Variants in ARHGAP26 observed in about 807,000 individuals in gnomAD.
The protein encoded by ARHGAP26 is rho GTPase-activating protein 26.
A neutral mutation model predicts 104.8 loss-of-function variants in ARHGAP26; 38 were observed. The ratio of observed to expected loss-of-function variants is 0.36; its 90% CI spans 0.28 to 0.48. The LOEUF (loss-of-function observed/expected upper bound fraction) is 0.48, where lower values mean the gene tolerates loss of function less well. Among genes scored for constraint, ARHGAP26 ranks in the 20% least tolerant of loss-of-function variants. The pLI, the probability that ARHGAP26 is intolerant of heterozygous loss-of-function variation, is 0.99. For missense variants in ARHGAP26, 704 were observed against 947.9 expected, an observed-to-expected ratio of 0.74 and a Z score of 3.38; for synonymous variants, 341 against 340.0, an observed-to-expected ratio of 1.00 and a Z score of -0.03.
intron 17 of ARHGAP26, among the ~76,000 whole-genome samples, chr5:143,111,183 A>G (rs901418329): frequency 2.6e-5 from 4 of 152,236 alleles, no homozygotes; most frequent in African/African-American, 7.2e-5. Flanking sequence ...GTTTGCTTTC[A>G]AATTATCCTT....
At chr5:143,040,472 A>C (rs553197818) in intron 13 of ARHGAP26, among the ~76,000 whole-genome samples, 1 of 152,204 alleles carries the variant, frequency 6.6e-6, no homozygotes. Flanking sequence ...TTTGTTTATT[A>C]TCATGTACCA....
Position 142,897,245 on chromosome 5 carries a change from T to C in ARHGAP26, c.597+2897T>C, listed in dbSNP as rs553397495. On this transcript the variant is annotated intron_variant, in intron 6 of 22. Coordinates refer to ENST00000645722, the MANE Select transcript of ARHGAP26 (RefSeq NM_001135608.3). ...TAGTGTGCAGATGTTTTTCAGTTCA[T>C]ACAGTGAGAAACCTGGAGAGCTAAT... Among the ~76,000 whole-genome samples, 150 of 152,322 alleles carry C rather than the reference T, an allele frequency of 9.8e-4. 1 individual carries two copies. Among genetic ancestry groups the C allele is most frequent in the Non-Finnish European group, 2.0e-3 (135 of 68,036 alleles).
intron 11 of ARHGAP26, among the ~76,000 whole-genome samples, chr5:142,974,078 T>C (rs1158533610): frequency 1.3e-5 from 2 of 152,210 alleles, no homozygotes; most frequent in Admixed American, 1.3e-4. Context: ...ATCAGTTCCT[T>C]TAAATTTTAT....
chr5:142,847,362 C>CT (rs34846420), intron 1 of ARHGAP26, among the ~76,000 whole-genome samples: 6,876 of 145,418 alleles, frequency 0.047, 231 homozygotes, highest in East Asian at 0.15. Context: ...ATGGAGATGT[C>CT]TTTTTTTTTT....
intron 22 of ARHGAP26, among the ~76,000 whole-genome samples, 184 bp from the exon 23 acceptor site, chr5:143,222,174 G>C (rs1358920703): frequency 6.6e-6 from 1 of 152,056 alleles, no homozygotes; most frequent in Non-Finnish European, 1.5e-5. Context: ...AAAAGGTTCA[G>C]AACCTTTGGT....
intron 1 of ARHGAP26, among the ~76,000 whole-genome samples, chr5:142,776,491 A>T (rs1483739121): frequency 6.6e-6 from 1 of 152,232 alleles, no homozygotes; most frequent in Non-Finnish European, 1.5e-5. Flanking sequence ...AAATGGAATC[A>T]TATAATATGT....
intron 11 of ARHGAP26, among the ~76,000 whole-genome samples, chr5:142,958,052 A>G (rs559107836): frequency 6.6e-6 from 1 of 152,300 alleles, no homozygotes; most frequent in African/African-American, 2.4e-5. Context: ...AAAAAACTGA[A>G]AGGACAGATA....
chr5:142,964,543 AACAC>A (rs200282524), intron 11 of ARHGAP26, among the ~76,000 whole-genome samples: 44 of 74,710 alleles, frequency 5.9e-4, no homozygotes, highest in African/African-American at 1.4e-3. Context: ...CTCTGTTTAA[AACAC>A]ACACACACAC....
chr5:143,124,803 G>A (rs1259396692), intron 18 of ARHGAP26, among the ~76,000 whole-genome samples: 2 of 152,218 alleles, frequency 1.3e-5, no homozygotes, highest in Admixed American at 6.5e-5. Context: ...CACAGGCGTG[G>A]GAGGATTGTT....
At chr5:142,938,525 A>G (rs1356330221) in intron 11 of ARHGAP26, among the ~76,000 whole-genome samples, 1 of 152,252 alleles carries the variant, frequency 6.6e-6, no homozygotes, top group Non-Finnish European at 1.5e-5. Context: ...CGAGTTTCCA[A>G]TAACTAAAGT....
intron 1 of ARHGAP26, among the ~76,000 whole-genome samples, chr5:142,862,112 C>A (rs1380149773): frequency 6.6e-6 from 1 of 151,944 alleles, no homozygotes; most frequent in African/African-American, 2.4e-5. Flanking sequence ...TCTTTTTGTT[C>A]TTTGCTAGAG....
intron 11 of ARHGAP26, among the ~76,000 whole-genome samples, chr5:142,951,113 GC>G (rs1289761211): frequency 6.6e-6 from 1 of 151,298 alleles, no homozygotes; most frequent in Non-Finnish European, 1.5e-5. Flanking sequence ...AGGCTGGAGT[GC>G]AGTGGTGCGA....
chr5:143,111,236 G>T (rs555467662), intron 17 of ARHGAP26, among the ~76,000 whole-genome samples: 8 of 152,230 alleles, frequency 5.3e-5, no homozygotes, highest in African/African-American at 1.7e-4. Flanking sequence ...ATCTCCTTAA[G>T]GTTAGGCCAT....
rs762466985 is a variant in ARHGAP26 at position 143,120,946 on chromosome 5, A to G, written c.1539-42A>G. On this transcript the variant is annotated intron_variant, in intron 17 of 22. Coordinates refer to ENST00000645722, the MANE Select transcript of ARHGAP26 (RefSeq NM_001135608.3). ...CAGGGTGGTTGGTATCTCTGTGTAC[A>G]CGATTTGTCTCATTGGTACCTTTTC... 7 of 1,586,448 alleles carry G rather than the reference A, an allele frequency of 4.4e-6. No homozygotes were observed. In the Admixed American group the frequency reaches 1.2e-4, roughly 27 times the overall value.
intron 17 of ARHGAP26, among the ~76,000 whole-genome samples, chr5:143,099,433 C>T (rs750621974): frequency 6.6e-6 from 1 of 152,124 alleles, no homozygotes; most frequent in African/African-American, 2.4e-5. Context: ...GGAACTGAGA[C>T]CCTACCTTAA....
chr5:143,070,166 G>C (rs1411873417), intron 17 of ARHGAP26, among the ~76,000 whole-genome samples: 1 of 152,122 alleles, frequency 6.6e-6, no homozygotes, highest in Non-Finnish European at 1.5e-5. Flanking sequence ...AGGTTTTCTT[G>C]TTCTCTGTAT....
At chr5:142,985,822 C>CA (rs1394166291) in intron 11 of ARHGAP26, among the ~76,000 whole-genome samples, 1 of 152,036 alleles carries the variant, frequency 6.6e-6, no homozygotes, top group Admixed American at 6.6e-5. Context: ...CATGTCCCTA[C>CA]AAAGGACACC....
chr5:142,925,627 C>T (rs1228488979), intron 10 of ARHGAP26, among the ~76,000 whole-genome samples: 3 of 152,188 alleles, frequency 2.0e-5, no homozygotes, highest in Non-Finnish European at 1.5e-5. Flanking sequence ...CTTCCCTTCC[C>T]TGGCACTTGC....
At chr5:143,022,889 T>G (rs1405897529) in intron 12 of ARHGAP26, among the ~76,000 whole-genome samples, 1 of 152,218 alleles carries the variant, frequency 6.6e-6, no homozygotes, top group Non-Finnish European at 1.5e-5. Context: ...ATCCTGTTCA[T>G]ATGTGGTCCA....
Sources: allele counts gnomAD v4.1 joint callset (sites outside exome capture counted in the v4.1 genomes callset), GRCh38; gene constraint gnomAD v4.1.1; transcripts MANE v1.5; gene names NCBI Gene and HGNC (gene_info 2026-07-23, HGNC 2026-07-21).